Variants in EFCAB7 observed in about 807,000 individuals in gnomAD.
The protein encoded by EFCAB7 is EF-hand calcium binding domain 7.
EFCAB7 carries 66 observed loss-of-function variants against 77.1 expected under a neutral mutation model. The observed-to-expected ratio is 0.86, with a 90% CI of 0.70 to 1.05. The LOEUF is 1.05. Among genes scored for constraint, EFCAB7 ranks in the 50% least tolerant of loss-of-function variants. EFCAB7 has a pLI of 0.00. For missense variants in EFCAB7, 638 were observed against 730.5 expected, an observed-to-expected ratio of 0.87 and a Z score of 1.46; for synonymous variants, 225 against 243.3, an observed-to-expected ratio of 0.92 and a Z score of 0.70.
intron 2 of EFCAB7, 133 bp from the exon 3 acceptor site, chr1:63,531,687 C>A: frequency 1.2e-6 from 1 of 801,250 alleles, no homozygotes. Context: ...GATAAGTCAA[C>A]ACCAAAGTAA....
chr1:63,546,043 T>A lies in EFCAB7; in HGVS notation c.932T>A (p.Leu311Gln), dbSNP rs1354900188. 1.2e-6 allele frequency: 2 copies of A among 1,606,034 alleles called. No homozygotes were observed. Among genetic ancestry groups the A allele is most frequent in the South Asian group, 2.2e-5 (2 of 89,650 alleles). ...TATCTAACAATTAAGCCATTAAACC[T>A]GAGTCAAGTTGAAGGCAAGTTTAAG... Reference protein sequence around the residue: ...MVYLTIKPLNLSQVEGKPSPW... With the variant: ...MVYLTIKPLNQSQVEGKPSPW... The change falls in exon 7 of 14, where the codon CTG becomes CAG. Residue 311 changes from leucine (L) to glutamine (Q), a missense_variant. By Grantham distance (113) the Leu-to-Gln change is moderately radical. Transcript: ENST00000371088.
At chr1:63,583,909 A>C in the EFCAB7 span, among the ~76,000 whole-genome samples, 1 of 150,592 alleles carries the variant, frequency 6.6e-6, no homozygotes, top group Admixed American at 6.6e-5. Context: ...GACAGACCTA[A>C]TCAAAGAAAT....
At chr1:63,583,578 T>C in the EFCAB7 span, among the ~76,000 whole-genome samples, 4 of 152,122 alleles carry the variant, frequency 2.6e-5, no homozygotes, top group East Asian at 7.7e-4. Flanking sequence ...AACCTATAGA[T>C]TGGAGGTCAT....
At chr1:63,531,136 C>A (rs902178170) in intron 2 of EFCAB7, among the ~76,000 whole-genome samples, 1 of 152,002 alleles carries the variant, frequency 6.6e-6, no homozygotes, top group African/African-American at 2.4e-5. Context: ...TACCCATTGA[C>A]CAACCTCTCC....
intron 6 of EFCAB7, among the ~76,000 whole-genome samples, chr1:63,543,108 T>A (rs1646849653): frequency 6.6e-6 from 1 of 152,200 alleles, no homozygotes; most frequent in Non-Finnish European, 1.5e-5. Flanking sequence ...TTGAGTTAAT[T>A]TTTATGTGTT....
In EFCAB7 at chr1:63,525,696, G is replaced by T; in HGVS notation, c.124G>T (p.Ala42Ser). 1 of 1,598,934 alleles carries T rather than the reference G, an allele frequency of 6.3e-7. No homozygotes were observed. Among genetic ancestry groups the T allele is most frequent in the Non-Finnish European group, 8.5e-7 (1 of 1,176,732 alleles). Residue 42 changes from alanine to serine, a missense_variant, in exon 2 of 14, where the codon GCC (alanine) becomes TCC (serine). Transcript: ENST00000371088. ...EEIFYMNCRA[A>S]YLTVFKSSLE... ...AATATTTTATATGAATTGTAGAGCT[G>T]CCTACTTAACTGTCTTCAAAAGCAG... is the stretch of plus-strand genomic sequence containing the variant.
At chr1:63,578,547 T>C in the EFCAB7 span, among the ~76,000 whole-genome samples, 1 of 151,924 alleles carries the variant, frequency 6.6e-6, no homozygotes, top group African/African-American at 2.4e-5. Context: ...GTTAACACTG[T>C]TCTCCTGCCT....
downstream of EFCAB7, chr1:63,572,790 G>A (rs556450067): frequency 3.2e-3 from 1,711 of 538,560 alleles, 3 homozygotes; most frequent in Non-Finnish European, 3.8e-3. Context: ...GGCTGAGTCC[G>A]AAAAGAGAGT....
chr1:63,545,581 C>T (rs1016375803), intron 6 of EFCAB7, among the ~76,000 whole-genome samples: 5 of 152,152 alleles, frequency 3.3e-5, no homozygotes. Context: ...ATTCTCCTGC[C>T]TCAGTCTCCT....
At chr1:63,562,521 A>G (rs1340280613) in intron 11 of EFCAB7, among the ~76,000 whole-genome samples, 3 of 130,758 alleles carry the variant, frequency 2.3e-5, no homozygotes, top group East Asian at 4.4e-4. Flanking sequence ...TTAATTTGAG[A>G]CAAGGTCTTA....
At position 63,557,107 on chromosome 1, in the gene EFCAB7, A is replaced by C; in HGVS notation, c.1215-7A>C. ...CAAGAAATAACTAGCTATTTTTATA[A>C]TTTTAGGTCTACTTTATCAGATATA... is the stretch of plus-strand genomic sequence containing the variant. On this transcript the variant is annotated splice_polypyrimidine_tract_variant and splice_region_variant and intron_variant, in intron 9 of 13. Transcript: ENST00000371088. 6.4e-7 allele frequency: 1 copy of C among 1,561,752 alleles called. No individual in the cohort carries two copies. The highest frequency in any genetic ancestry group is 8.6e-7 in the Non-Finnish European group (1 of 1,160,454).
intron 12 of EFCAB7, 131 bp downstream of exon 12, chr1:63,568,650 A>AT (rs1265423951): frequency 6.2e-6 from 4 of 642,700 alleles, no homozygotes; most frequent in Non-Finnish European, 9.6e-6. Flanking sequence ...ATGCATAATT[A>AT]TTTTTTCTCC....
At chr1:63,551,591 G>GAAA in intron 7 of EFCAB7, 134 bp from the exon 8 acceptor site, 2 of 340,668 alleles carry the variant, frequency 5.9e-6, no homozygotes, top group Non-Finnish European at 4.9e-6. Flanking sequence ...ACTCCGTCTT[G>GAAA]AAAAAAAAAA....
At chr1:63,529,598 A>T (rs1457251928) in intron 2 of EFCAB7, 2 of 151,982 alleles carry the variant, frequency 1.3e-5, no homozygotes, top group Non-Finnish European at 2.9e-5. Flanking sequence ...CTGTAATCCC[A>T]GTTACTCGGG....
intron 10 of EFCAB7, among the ~76,000 whole-genome samples, 199 bp from the exon 11 acceptor site, chr1:63,561,510 A>G (rs986160908): frequency 6.6e-6 from 1 of 152,210 alleles, no homozygotes; most frequent in African/African-American, 2.4e-5. Flanking sequence ...ACTACGATAT[A>G]TCTATGCTGA....
intron 9 of EFCAB7, among the ~76,000 whole-genome samples, chr1:63,556,891 A>G (rs552333193): frequency 6.7e-6 from 1 of 148,914 alleles, no homozygotes; most frequent in Non-Finnish European, 1.5e-5. Context: ...AAAAAAAATT[A>G]GCCAGGTGTG....
intron 2 of EFCAB7, among the ~76,000 whole-genome samples, chr1:63,530,544 G>C (rs1182967084): frequency 6.6e-6 from 1 of 152,100 alleles, no homozygotes; most frequent in Non-Finnish European, 1.5e-5. Flanking sequence ...TTTTATTTTA[G>C]AGTGATATGA....
chr1:63,572,682 A>G lies in EFCAB7; in HGVS notation c.*166A>G, dbSNP rs982264821. 5.0e-6 allele frequency: 5 copies of G among 1,003,902 alleles called. No homozygotes were observed. In the Admixed American group the frequency reaches 1.9e-4, roughly 38 times the overall value. 62.2% of individuals were successfully genotyped at this position (1,003,902 alleles called of 1,614,324 possible). ...TATGTACTTTATTATTAAAATATAA[A>G]TAATGCTTTCATTGTGTGGTGTTCT... On this transcript the variant is annotated 3_prime_UTR_variant, in exon 14 of 14. Transcript: ENST00000371088.
intron 6 of EFCAB7, among the ~76,000 whole-genome samples, chr1:63,543,971 CT>C (rs35018430): frequency 0.14 from 17,931 of 130,526 alleles, 622 homozygotes; most frequent in Middle Eastern, 0.24. Flanking sequence ...TTTCTTTTTT[CT>C]TTTTTTTTTT....
Sources: allele counts gnomAD v4.1 joint callset (sites outside exome capture counted in the v4.1 genomes callset), GRCh38; gene constraint gnomAD v4.1.1; transcripts MANE v1.5; gene names NCBI Gene and HGNC (gene_info 2026-07-23, HGNC 2026-07-21).